The following TNPO1 variants were observed in gnomAD, a reference collection of about 807,000 sequenced individuals.
TNPO1 encodes transportin-1.
TNPO1 carries 8 observed loss-of-function variants against 119.5 expected under a neutral mutation model. That is an observed-to-expected ratio of 0.07 (90% CI 0.04 to 0.12). The LOEUF is 0.12. TNPO1 is among the 10% of genes least tolerant of loss of function. The probability of loss-of-function intolerance (pLI) is 1.00; values close to 1 mark genes in which losing one functional copy is unlikely to be tolerated. For synonymous variants in TNPO1, 362 were observed against 363.0 expected (o/e 1.00, Z 0.03); for missense variants, 576 against 1,089.8 (o/e 0.53, Z 6.64).
chr5:72,906,161 A>T (rs1263773811), intron 24 of TNPO1, among the ~76,000 whole-genome samples: 2 of 149,818 alleles, frequency 1.3e-5, no homozygotes, highest in African/African-American at 2.5e-5. Context: ...TGTAACAAGG[A>T]CTTTTCATTT....
intron 10 of TNPO1, 46 bp downstream of exon 10, chr5:72,882,573 A>G: frequency 7.3e-7 from 1 of 1,372,980 alleles, no homozygotes; most frequent in Non-Finnish European, 1.0e-6. Flanking sequence ...TTTTATATTG[A>G]CTTAGTACAT....
intron 1 of TNPO1, among the ~76,000 whole-genome samples, chr5:72,838,531 C>CT (rs756024816): frequency 2.2e-4 from 33 of 152,052 alleles, no homozygotes; most frequent in African/African-American, 6.0e-4. Context: ...GCATCATAGC[C>CT]TTTTTTTACC....
intron 5 of TNPO1, 97 bp downstream of exon 5, chr5:72,862,011 T>C (rs560758944): frequency 2.6e-6 from 2 of 783,626 alleles, no homozygotes; most frequent in South Asian, 3.4e-5. Flanking sequence ...CTCTGAAACA[T>C]ACAGCTTCTC....
chr5:72,862,578 C>T (rs758713369), intron 5 of TNPO1, among the ~76,000 whole-genome samples: 5 of 152,004 alleles, frequency 3.3e-5, no homozygotes, highest in Non-Finnish European at 7.4e-5. Flanking sequence ...CTTCCAGCCT[C>T]AGCCTCCCAA....
At chr5:72,901,999 C>T (rs1450889400) in intron 22 of TNPO1, among the ~76,000 whole-genome samples, 1 of 151,596 alleles carries the variant, frequency 6.6e-6, no homozygotes, top group Non-Finnish European at 1.5e-5. Context: ...TGCTTGAACC[C>T]GGGAGGCAGA....
rs1750489500 is a variant in TNPO1 at position 72,910,478 on chromosome 5, G to T, written c.*1805G>T. 6.6e-6 allele frequency: 1 copy of T among 152,568 alleles called. No individual in the cohort carries two copies. The highest frequency in any genetic ancestry group is 6.5e-5 in the Admixed American group (1 of 15,268). 9.5% of individuals were successfully genotyped at this position (152,568 alleles called of 1,614,324 possible). The stretch of plus-strand genomic sequence containing the variant: ...CCATGATGATGAAGGAAAATGGAGA[G>T]ATTTTTCTTTTTAACTCTGCTGGTC... On this transcript the variant is annotated 3_prime_UTR_variant, in exon 25 of 25. Transcript: ENST00000337273.
At chr5:72,851,507 T>G (rs548942926) in intron 3 of TNPO1, among the ~76,000 whole-genome samples, 188 bp downstream of exon 3, 91 of 152,318 alleles carry the variant, frequency 6.0e-4, no homozygotes, top group African/African-American at 2.2e-3. Flanking sequence ...TTTTAATGTA[T>G]ATACAGACAG....
At chr5:72,851,925 A>G (rs1226513290) in intron 3 of TNPO1, among the ~76,000 whole-genome samples, 1 of 152,252 alleles carries the variant, frequency 6.6e-6, no homozygotes, top group Admixed American at 6.5e-5. Context: ...TTGTAATACA[A>G]AGATTGAATG....
rs1187573806 is a variant in TNPO1, at chr5:72,863,002, G to T, written c.462+1088G>T. On this transcript the variant is annotated intron_variant, in intron 5 of 24. Coordinates refer to ENST00000337273, the MANE Select transcript of TNPO1 (RefSeq NM_002270.4). ...CTGACCTGTGGGTTTTTGTGTGTGT[G>T]TGTGTGTGTGTGTGTGTGTGTGTGG... Among the ~76,000 whole-genome samples, 293 of 150,302 alleles carry T rather than the reference G, an allele frequency of 1.9e-3. 2 individuals are homozygous for T. The highest frequency in any genetic ancestry group is 7.0e-3 in the African/African-American group (282 of 40,564).
At chr5:72,897,461 C>T (rs1009504903) in intron 20 of TNPO1, among the ~76,000 whole-genome samples, 6 of 150,338 alleles carry the variant, frequency 4.0e-5, no homozygotes, top group Admixed American at 1.4e-4. Context: ...TAAATTAATT[C>T]GGAGAGTAAC....
intron 22 of TNPO1, among the ~76,000 whole-genome samples, chr5:72,903,120 A>G (rs2112496899): frequency 6.6e-6 from 1 of 152,312 alleles, no homozygotes; most frequent in African/African-American, 2.4e-5. Context: ...TAGTCAGAAT[A>G]GCCTGATTAT....
chr5:72,822,542 TC>T (rs1239345233), intron 1 of TNPO1, among the ~76,000 whole-genome samples: 4 of 152,050 alleles, frequency 2.6e-5, no homozygotes, highest in East Asian at 1.9e-4. Context: ...ACTCCAGACT[TC>T]CTGTTCACAT....
At chr5:72,898,558 T>C (rs1440034127) in intron 20 of TNPO1, among the ~76,000 whole-genome samples, 1 of 152,162 alleles carries the variant, frequency 6.6e-6, no homozygotes, top group Non-Finnish European at 1.5e-5. Context: ...TTTTTAATTA[T>C]TAAAATCATT....
chr5:72,855,630 T>C (rs1745931645), intron 3 of TNPO1, 144 bp from the exon 4 acceptor site: 9 of 679,832 alleles, frequency 1.3e-5, no homozygotes, highest in Non-Finnish European at 1.7e-5. Context: ...GCTAATCTTT[T>C]GTTAATCAGT....
At position 72,863,985 on chromosome 5, in the gene TNPO1, T is replaced by C. The variant is rs138317890; in HGVS notation, c.463-1611T>C. 5.0e-3 allele frequency among the ~76,000 whole-genome samples: 762 copies of C among 152,308 alleles called. 5 individuals carry two copies. Among genetic ancestry groups the C allele is most frequent in the Middle Eastern group, 0.024 (7 of 294 alleles). ...GAAGTCATACTGTAAATAAACAATATTCCCATCCATCTGAACTAAAGATAG... is the reference window on the plus strand; with the variant it reads ...GAAGTCATACTGTAAATAAACAATACTCCCATCCATCTGAACTAAAGATAG... On this transcript the variant is annotated intron_variant, in intron 5 of 24. Transcript: ENST00000337273.
chr5:72,832,009 A>G (rs376971419), intron 1 of TNPO1, among the ~76,000 whole-genome samples: 1 of 152,012 alleles, frequency 6.6e-6, no homozygotes, highest in African/African-American at 2.4e-5. Flanking sequence ...ATTATTTGCC[A>G]TATATTTACT....
chr5:72,873,886 T>TTCA (rs1747583437), intron 7 of TNPO1, among the ~76,000 whole-genome samples: 1 of 152,132 alleles, frequency 6.6e-6, no homozygotes, highest in African/African-American at 2.4e-5. Flanking sequence ...AAGCAGGCAC[T>TTCA]TCATGTTAGC....
chr5:72,866,463 T>TA (rs557870949), intron 6 of TNPO1, among the ~76,000 whole-genome samples: 310 of 152,260 alleles, frequency 2.0e-3, no homozygotes, highest in Non-Finnish European at 2.6e-3. Flanking sequence ...TTCTCAGTAA[T>TA]AAAAAAACAG....
intron 7 of TNPO1, among the ~76,000 whole-genome samples, chr5:72,873,765 C>G (rs1457882380): frequency 6.6e-6 from 1 of 152,060 alleles, no homozygotes; most frequent in Admixed American, 6.6e-5. Flanking sequence ...CTTTATTTAA[C>G]TGATGTTTTC....
Sources: gnomAD v4.1 joint callset for allele counts (sites outside exome capture counted in the v4.1 genomes callset) on GRCh38, gnomAD v4.1.1 for gene constraint, MANE v1.5 for transcripts, NCBI Gene and HGNC (gene_info 2026-07-23, HGNC 2026-07-21) for gene names.